Variants in TK2 observed in about 807,000 individuals in gnomAD.
TK2 encodes the protein thymidine kinase 2.
TK2 carries 35 observed loss-of-function variants against 41.9 expected under a neutral mutation model. The ratio of observed to expected loss-of-function variants is 0.84; its 90% confidence interval spans 0.64 to 1.11. The LOEUF is 1.11. TK2 is among the 50% of genes least tolerant of loss of function. TK2 has a pLI of 0.00. For synonymous variants in TK2, 128 were observed against 129.1 expected (o/e 0.99, Z 0.06); for missense variants, 320 against 351.1 (o/e 0.91, Z 0.71).
At chr16:66,522,785 AC>A (rs1358660046) in intron 6 of TK2, among the ~76,000 whole-genome samples, 4 of 151,798 alleles carry the variant, frequency 2.6e-5, no homozygotes, top group Non-Finnish European at 5.9e-5. Flanking sequence ...AATCGCTTGA[AC>A]CCGGGAGGTG....
At chr16:66,521,262 G>T (rs902612908) in intron 6 of TK2, among the ~76,000 whole-genome samples, 2 of 152,194 alleles carry the variant, frequency 1.3e-5, no homozygotes, top group Non-Finnish European at 1.5e-5. Context: ...TGGGGAGGGG[G>T]TCACACCTGT....
At chr16:66,531,554 A>C in intron 4 of TK2, 85 bp from the exon 5 acceptor site, 61 of 1,307,372 alleles carry the variant, frequency 4.7e-5, no homozygotes, top group Non-Finnish European at 5.5e-5. Flanking sequence ...AGGACAGCTC[A>C]AGAAACCTAC....
chr16:66,544,828 C>T (rs1271386261), intron 2 of TK2, among the ~76,000 whole-genome samples: 2 of 152,216 alleles, frequency 1.3e-5, no homozygotes, highest in Admixed American at 6.5e-5. Context: ...TGGCTCACGC[C>T]TGTAATCCCA....
upstream of TK2, chr16:66,550,228 C>T (rs772824411): frequency 6.2e-7 from 1 of 1,608,806 alleles, no homozygotes; most frequent in Non-Finnish European, 8.5e-7. Flanking sequence ...GGGAGAGGTT[C>T]GCCGCTGGCA....
At position 66,509,120 on chromosome 16, in the gene TK2, T is replaced by TAAG. The variant is rs950220219; in HGVS notation, c.*2845_*2847dup. The TAAG allele has an allele frequency of 2.2e-4, 34 of 152,598 alleles. No individual in the cohort carries two copies. Among genetic ancestry groups the TAAG allele is most frequent in the African/African-American group, 7.7e-4 (32 of 41,568 alleles). The allele number at this position is 152,598 out of a possible 1,614,324, so 9.5% of individuals were successfully genotyped here. A position where few individuals can be genotyped will look rare whatever the true frequency, so the allele number is the denominator to read the frequency against. On this transcript the variant is annotated 3_prime_UTR_variant, in exon 10 of 10. Coordinates refer to ENST00000544898, the MANE Select transcript of TK2 (RefSeq NM_004614.5). ...TCCCAGGGCCTCTAGCAAAGCCTCG[T>TAAG]AAGAACCTTCCAGCTTATCTTAGTT...
intron 5 of TK2, among the ~76,000 whole-genome samples, chr16:66,529,409 C>T (rs569964755): frequency 6.6e-6 from 1 of 152,334 alleles, no homozygotes; most frequent in African/African-American, 2.4e-5. Context: ...GAGAAACCAT[C>T]CAAAGCTGTC....
chr16:66,514,464 C>T lies in TK2; in HGVS notation c.619-653G>A, dbSNP rs1310200982. Among the ~76,000 whole-genome samples the T allele has an allele frequency of 1.3e-5, 2 of 152,206 alleles. No individual in the cohort carries two copies. The highest frequency in any genetic ancestry group is 2.9e-5 in the Non-Finnish European group (2 of 68,036). On this transcript the variant is annotated intron_variant, in intron 8 of 9. Transcript: ENST00000544898. The surrounding 1 kb of genome is among the most constrained non-coding windows in gnomAD (Gnocchi z 4.2). ...GGAGTGCAGTGGCGTGATCTCGGCT[C>T]GCTACAACCTCCACCTCCCAGCCGC...
rs375228541 is a variant in TK2 at position 66,517,233 on chromosome 16, C to T, written c.539-18G>A. On this transcript the variant is annotated intron_variant, in intron 7 of 9. Transcript: ENST00000544898. The surrounding 1 kb of genome is among the most constrained non-coding windows in gnomAD (Gnocchi z 4.3). ...AAGGTAAACTGAGGTTAAAAGAATACGTGGCTCTCAGGACTCTGCTCATGG... is the reference window on the plus strand; with the variant it reads ...AAGGTAAACTGAGGTTAAAAGAATATGTGGCTCTCAGGACTCTGCTCATGG... The T allele has an allele frequency of 4.3e-6, 7 of 1,611,054 alleles. No homozygotes were observed. Among genetic ancestry groups the T allele is most frequent in the South Asian group, 1.1e-5 (1 of 91,030 alleles).
intron 8 of TK2, 34 bp from the exon 9 acceptor site, chr16:66,513,845 G>T (rs772546022): frequency 6.3e-7 from 1 of 1,583,712 alleles, no homozygotes; most frequent in Non-Finnish European, 8.7e-7. Context: ...TGTCGGGAGT[G>T]GACAGAGCAG....
In TK2 at chr16:66,549,982, G is replaced by T; in HGVS notation, c.80C>A (p.Ser27Ter). ...FGPGSRGSPA[S>*]GPGPRRVQRR... is the part of the protein sequence containing the mutation. ...CTGCACCCTCCGCGGCCCGGGGCCT[G>T]AGGCCGGGCTCCCGCGACTTCCCGG... Residue 27 changes from serine (S) to a stop codon, truncating the protein, a stop_gained, in exon 1 of 10, where the codon TCA becomes TAA. Coordinates refer to ENST00000544898, the MANE Select transcript of TK2 (RefSeq NM_004614.5). LOFTEE classifies it high-confidence loss of function. 2 of 1,505,490 alleles carry T rather than the reference G, an allele frequency of 1.3e-6. No homozygotes were observed. The highest frequency in any genetic ancestry group is 1.8e-6 in the Non-Finnish European group (2 of 1,134,186). The allele number at this position is 1,505,490 out of a possible 1,614,324, so 93.3% of individuals were successfully genotyped here. A position where few individuals can be genotyped will look rare whatever the true frequency, so the allele number is the denominator to read the frequency against.
At chr16:66,546,140 G>A (rs987343646) in intron 2 of TK2, among the ~76,000 whole-genome samples, 9 of 152,056 alleles carry the variant, frequency 5.9e-5, no homozygotes, top group African/African-American at 1.9e-4. Flanking sequence ...TGATGTGGGA[G>A]GATCACCTGA....
At chr16:66,535,692 T>A (rs1965255153) in intron 4 of TK2, among the ~76,000 whole-genome samples, 1 of 152,202 alleles carries the variant, frequency 6.6e-6, no homozygotes, top group Admixed American at 6.5e-5. Context: ...GGGCTTTGAA[T>A]TTATCACTGC....
intron 6 of TK2, 113 bp downstream of exon 6, chr16:66,528,881 G>C (rs1965018137): frequency 9.9e-7 from 1 of 1,005,360 alleles, no homozygotes; most frequent in South Asian, 1.3e-5. Context: ...TATGGCAATG[G>C]ATAACTGATA....
rs1470242015 is a variant in TK2, at chr16:66,517,612, A to G, written c.538+177T>C. ...AAAGGCCAGGGTTCTTCTCCATGAG[A>G]GACCAGAAGTCCCGAATTCTGTCTG... On this transcript the variant is annotated intron_variant, in intron 7 of 9. Transcript: ENST00000544898. This position sits in a 1 kb window ranked among gnomAD's most constrained non-coding sequence, Gnocchi z 4.3. 6.6e-6 allele frequency among the ~76,000 whole-genome samples: 1 copy of G among 152,232 alleles called. No homozygotes were observed. The highest frequency in any genetic ancestry group is 2.4e-5 in the African/African-American group (1 of 41,466).
At chr16:66,516,984 G>T in intron 8 of TK2, 152 bp downstream of exon 8, 1 of 788,006 alleles carries the variant, frequency 1.3e-6, no homozygotes, top group African/African-American at 1.7e-5. Context: ...CAAACAGGAA[G>T]TCAGAGTTCA....
In TK2 at chr16:66,549,937, C is replaced by A; in HGVS notation, c.124+1G>T. The A allele has an allele frequency of 7.4e-7, 1 of 1,354,434 alleles. No homozygotes were observed. The highest frequency in any genetic ancestry group is 2.0e-5 in the South Asian group (1 of 50,738). 83.9% of individuals were successfully genotyped at this position (1,354,434 alleles called of 1,614,324 possible). A position where few individuals can be genotyped will look rare whatever the true frequency, so the allele number is the denominator to read the frequency against. On this transcript the variant is annotated splice_donor_variant, in intron 1 of 9. Coordinates refer to ENST00000544898, the MANE Select transcript of TK2 (RefSeq NM_004614.5). LOFTEE classifies it high-confidence loss of function. Reference sequence around the variant, plus strand: ...GGAGGCGGGACCAAGACGCGCGTTACCGGGAGGCCAGGCCCGGCGCTGCAC... The same window carrying A: ...GGAGGCGGGACCAAGACGCGCGTTAACGGGAGGCCAGGCCCGGCGCTGCAC...
chr16:66,550,221 AG>A, upstream of TK2: 2 of 1,610,100 alleles, frequency 1.2e-6, no homozygotes, highest in Non-Finnish European at 1.7e-6. Context: ...ACTCGAAGGG[AG>A]AGGTTCGCCG....
At chr16:66,525,011 C>G (rs1007132752) in intron 6 of TK2, 1 of 152,350 alleles carries the variant, frequency 6.6e-6, no homozygotes, top group Admixed American at 6.5e-5. Context: ...AGTTCCTGCC[C>G]GATCAGGAAG....
chr16:66,537,920 T>C (rs1268297051), intron 3 of TK2, among the ~76,000 whole-genome samples: 3 of 152,162 alleles, frequency 2.0e-5, no homozygotes, highest in African/African-American at 7.2e-5. Context: ...CCCAGCACTT[T>C]GGGAGGCCAA....
Sources: allele counts gnomAD v4.1 joint callset (sites outside exome capture counted in the v4.1 genomes callset), GRCh38; gene constraint gnomAD v4.1.1; non-coding constraint Gnocchi (gnomAD v3.1); transcripts MANE v1.5; gene names NCBI Gene and HGNC (gene_info 2026-07-23, HGNC 2026-07-21).